FAM13A: variants seen among roughly 807,000 people sequenced by gnomAD.
FAM13A encodes family with sequence similarity 13 member A.
A neutral mutation model predicts 129.6 loss-of-function variants in FAM13A; 76 were observed. The observed-to-expected ratio is 0.59, with a 90% CI of 0.49 to 0.71. The LOEUF is 0.71. Ranked by LOEUF, FAM13A falls within the 30% of genes least tolerant of loss-of-function variation. FAM13A has a pLI of 0.00. For missense variants in FAM13A, 1,108 were observed against 1,249.3 expected (o/e 0.89, Z 1.70); for synonymous variants, 443 against 449.9 (o/e 0.98, Z 0.20).
At chr4:88,731,803 A>G in intron 22 of FAM13A, 199 bp downstream of exon 22, 1 of 541,304 alleles carries the variant, frequency 1.8e-6, no homozygotes, top group Non-Finnish European at 3.2e-6. Flanking sequence ...TTTAAACAAG[A>G]CTCAAAAGTT....
intron 3 of FAM13A, among the ~76,000 whole-genome samples, chr4:88,998,903 G>A (rs1763895144): frequency 1.3e-5 from 2 of 152,138 alleles, no homozygotes; most frequent in Non-Finnish European, 2.9e-5. Flanking sequence ...ACAACCTCAT[G>A]ACCATGATAT....
At chr4:88,990,872 A>G in intron 4 of FAM13A, 101 bp downstream of exon 4, 1 of 902,506 alleles carries the variant, frequency 1.1e-6, no homozygotes, top group Non-Finnish European at 1.7e-6. Flanking sequence ...AGCTGGCTGA[A>G]TTTTCAGACT....
At chr4:88,905,428 C>G (rs1219451922) in intron 6 of FAM13A, among the ~76,000 whole-genome samples, 1 of 151,804 alleles carries the variant, frequency 6.6e-6, no homozygotes, top group Non-Finnish European at 1.5e-5. Flanking sequence ...TTTTATTTTA[C>G]GTTTGGGGGT....
intron 6 of FAM13A, among the ~76,000 whole-genome samples, chr4:88,870,487 C>G (rs933708092): frequency 6.6e-6 from 1 of 152,184 alleles, no homozygotes; most frequent in African/African-American, 2.4e-5. Context: ...TTATACCCCG[C>G]GCCTGGCTTG....
chr4:89,020,136 A>AT (rs1767045222), intron 3 of FAM13A, among the ~76,000 whole-genome samples: 1 of 152,276 alleles, frequency 6.6e-6, no homozygotes, highest in East Asian at 1.9e-4. Context: ...TAATCAGTCT[A>AT]GTATGATTTT....
chr4:88,736,209 G>A (rs189895466), intron 21 of FAM13A, among the ~76,000 whole-genome samples: 2 of 152,238 alleles, frequency 1.3e-5, no homozygotes, highest in Admixed American at 6.5e-5. Flanking sequence ...CAAGTACCGT[G>A]TTTACAGCAT....
chr4:89,020,625 C>T lies in FAM13A; in HGVS notation c.262G>A (p.Val88Met). The change falls in exon 3 of 24, where the codon GTG becomes ATG. Residue 88 changes from valine to methionine, a missense_variant. Transcript: ENST00000264344. ...AACTTCAGTCGAAGTTGTTCCACCACCTTCACGTTACCATTCACCCTAAAA... is the reference window on the plus strand; with the variant it reads ...AACTTCAGTCGAAGTTGTTCCACCATCTTCACGTTACCATTCACCCTAAAA... ...GLFRVNGNVK[V>M]VEQLRLKFES... The T allele has an allele frequency of 6.2e-7, 1 of 1,614,114 alleles. No individual in the cohort carries two copies. The highest frequency in any genetic ancestry group is 8.5e-7 in the Non-Finnish European group (1 of 1,180,022).
chr4:88,832,545 A>T (rs1734064415), intron 7 of FAM13A, among the ~76,000 whole-genome samples: 1 of 152,176 alleles, frequency 6.6e-6, no homozygotes, highest in Non-Finnish European at 1.5e-5. Context: ...ACAAGAAAAA[A>T]ACCAACCCCA....
chr4:88,743,043 T>C (rs1740582945), intron 19 of FAM13A, among the ~76,000 whole-genome samples: 1 of 152,230 alleles, frequency 6.6e-6, no homozygotes, highest in South Asian at 2.1e-4. Context: ...ATCATTAAGA[T>C]GTATTTTTGC....
At chr4:88,825,289 C>T (rs1469906764) in intron 7 of FAM13A, among the ~76,000 whole-genome samples, 1 of 151,552 alleles carries the variant, frequency 6.6e-6, no homozygotes, top group Non-Finnish European at 1.5e-5. Flanking sequence ...GATCTCGGCT[C>T]ACTGCAATCT....
intron 1 of FAM13A, among the ~76,000 whole-genome samples, chr4:89,031,721 G>A (rs1294922436): frequency 6.6e-6 from 1 of 152,020 alleles, no homozygotes; most frequent in Non-Finnish European, 1.5e-5. Context: ...TTTTTAAAAG[G>A]GAAACATGGT....
intron 6 of FAM13A, among the ~76,000 whole-genome samples, chr4:88,900,089 G>T (rs1747037376): frequency 6.6e-6 from 1 of 151,958 alleles, no homozygotes; most frequent in Non-Finnish European, 1.5e-5. Context: ...ACAGAAAAAA[G>T]AATGAAAATG....
chr4:88,803,487 T>G (rs17747153), intron 8 of FAM13A, among the ~76,000 whole-genome samples: 8,273 of 152,284 alleles, frequency 0.054, 257 homozygotes, highest in Non-Finnish European at 0.062. Context: ...TTCGTTGGCA[T>G]GAACCAGTGC....
intron 7 of FAM13A, among the ~76,000 whole-genome samples, chr4:88,820,372 A>ATGT (rs1731658863): frequency 6.6e-6 from 1 of 152,218 alleles, no homozygotes; most frequent in Non-Finnish European, 1.5e-5. Context: ...CCTAACTAGC[A>ATGT]TGTGACCTCT....
chr4:88,966,303 GA>G (rs1759343380), intron 4 of FAM13A, among the ~76,000 whole-genome samples: 1 of 152,116 alleles, frequency 6.6e-6, no homozygotes, highest in South Asian at 2.1e-4. Context: ...CAGAGTATTA[GA>G]AATAAAACTG....
At position 88,822,567 on chromosome 4, in the gene FAM13A, AT is replaced by A. The variant is rs138199222; in HGVS notation, c.1008-17516del. Among the ~76,000 whole-genome samples, 233 of 152,302 alleles carry A rather than the reference AT, an allele frequency of 1.5e-3. 2 individuals are homozygous for A. The highest frequency in any genetic ancestry group is 0.012 in the East Asian group (62 of 5,184). On this transcript the variant is annotated intron_variant, in intron 7 of 23. Transcript: ENST00000264344. ...TAGATCTGAACTCCAGAAGAGAAGA[AT>A]CTTGTGATGCATTTTAAAAGGTCTT...
chr4:88,731,728 TG>T (rs1302659459), intron 22 of FAM13A: 2 of 520,830 alleles, frequency 3.8e-6, no homozygotes, highest in African/African-American at 3.8e-5. Context: ...GCTCAGCGTG[TG>T]TTAAGTGATG....
chr4:88,906,580 A>G, intron 5 of FAM13A, 118 bp from the exon 6 acceptor site: 1 of 670,470 alleles, frequency 1.5e-6, no homozygotes, highest in Non-Finnish European at 2.6e-6. Flanking sequence ...AGTTGTTCAC[A>G]TCAGAAGCTG....
chr4:88,860,657 C>A (rs1401577697), intron 6 of FAM13A, among the ~76,000 whole-genome samples: 2 of 152,118 alleles, frequency 1.3e-5, no homozygotes, highest in Non-Finnish European at 2.9e-5. Flanking sequence ...AGCATCACTG[C>A]CAGAAAATGA....
Sources: allele counts gnomAD v4.1 joint callset (sites outside exome capture counted in the v4.1 genomes callset), GRCh38; gene constraint gnomAD v4.1.1; transcripts MANE v1.5; gene names NCBI Gene and HGNC (gene_info 2026-07-23, HGNC 2026-07-21).